The following SSPN variants were observed in gnomAD, a reference collection of about 807,000 sequenced individuals.
The protein encoded by SSPN is K-ras oncogene-associated protein.
SSPN carries 15 observed loss-of-function variants against 19.1 expected under a neutral mutation model. The ratio of observed to expected loss-of-function variants is 0.78; its 90% CI spans 0.52 to 1.21. The LOEUF is 1.21. Ranked by LOEUF, SSPN falls within the 50% of genes most tolerant of loss-of-function variation. The pLI, the probability that SSPN is intolerant of heterozygous loss-of-function variation, is 0.00. For missense variants in SSPN, 291 were observed against 314.0 expected (o/e 0.93, Z 0.55); for synonymous variants, 147 against 140.3 (o/e 1.05, Z -0.34).
intron 1 of SSPN, among the ~76,000 whole-genome samples, chr12:26,142,260 T>C (rs1345532534): frequency 1.3e-5 from 2 of 152,176 alleles, no homozygotes; most frequent in African/African-American, 4.8e-5. Flanking sequence ...CTGATGACAC[T>C]GTTGATAGTA....
intron 1 of SSPN, among the ~76,000 whole-genome samples, chr12:26,200,876 A>G (rs1591876779): frequency 6.6e-6 from 1 of 151,712 alleles, no homozygotes; most frequent in African/African-American, 2.4e-5. Context: ...AGATAATTAC[A>G]TGGCCCAACT....
At chr12:26,129,718 C>T (rs1295805370) in intron 1 of SSPN, among the ~76,000 whole-genome samples, 1 of 152,164 alleles carries the variant, frequency 6.6e-6, no homozygotes, top group Non-Finnish European at 1.5e-5. Flanking sequence ...CATAAACATA[C>T]CTATGAACCA....
intron 1 of SSPN, among the ~76,000 whole-genome samples, chr12:26,218,018 G>C (rs1394722314): frequency 6.6e-6 from 1 of 151,328 alleles, no homozygotes; most frequent in South Asian, 2.1e-4. Context: ...ACATGCACAC[G>C]TATGTTTATT....
At chr12:26,130,494 A>C (rs1944391417) in intron 1 of SSPN, among the ~76,000 whole-genome samples, 3 of 152,238 alleles carry the variant, frequency 2.0e-5, no homozygotes, top group African/African-American at 7.2e-5. Context: ...ACTTACAATC[A>C]AAACTATTGG....
At chr12:26,224,248 C>T in intron 1 of SSPN, 45 bp from the exon 2 acceptor site, 1 of 1,403,476 alleles carries the variant, frequency 7.1e-7, no homozygotes, top group Non-Finnish European at 1.0e-6. Context: ...TTTGAACGCA[C>T]AACGTACCCT....
chr12:26,207,294 CATA>C (rs762841031), intron 1 of SSPN, among the ~76,000 whole-genome samples: 7 of 152,082 alleles, frequency 4.6e-5, no homozygotes, highest in South Asian at 2.1e-4. Context: ...ATTTCAATTG[CATA>C]ATAACATAGA....
At chr12:26,159,636 G>GT (rs1298621147) in intron 1 of SSPN, among the ~76,000 whole-genome samples, 1 of 152,208 alleles carries the variant, frequency 6.6e-6, no homozygotes, top group African/African-American at 2.4e-5. Flanking sequence ...CATGAGAATG[G>GT]TTATGTTTTC....
intron 2 of SSPN, among the ~76,000 whole-genome samples, chr12:26,227,915 T>A (rs894201696): frequency 3.3e-5 from 5 of 152,218 alleles, no homozygotes; most frequent in African/African-American, 1.2e-4. Context: ...CTTGGGCACA[T>A]CTTTTAATCT....
intron 1 of SSPN, among the ~76,000 whole-genome samples, chr12:26,168,975 C>T (rs1403744726): frequency 6.7e-6 from 1 of 148,332 alleles, no homozygotes; most frequent in Admixed American, 6.7e-5. Context: ...AGGGTAAAGA[C>T]ATAATGGTAG....
At chr12:26,130,716 A>G (rs556657589) in intron 1 of SSPN, among the ~76,000 whole-genome samples, 3 of 152,190 alleles carry the variant, frequency 2.0e-5, no homozygotes, top group Non-Finnish European at 2.9e-5. Flanking sequence ...AGAAGTCTGA[A>G]GGTAAGCAGT....
In SSPN at chr12:26,195,907, T is replaced by G; in HGVS notation, c.235T>G (p.Ser79Ala). 6.3e-7 allele frequency: 1 copy of G among 1,576,232 alleles called. No individual in the cohort carries two copies. Among genetic ancestry groups the G allele is most frequent in the Non-Finnish European group, 8.6e-7 (1 of 1,163,980 alleles). The change falls in exon 1 of 3, where the codon TCC becomes GCC. Residue 79 changes from serine to alanine, a missense_variant. Coordinates refer to ENST00000242729, the MANE Select transcript of SSPN (RefSeq NM_005086.5). ...VVGFLMASIS[S>A]SLLVRDTPFW... ...GGGCTTCCTCATGGCGAGCATCAGC[T>G]CCTCCCTGCTAGTCAGGGACACTCC...
intron 1 of SSPN, among the ~76,000 whole-genome samples, chr12:26,139,977 C>G (rs1193822249): frequency 6.6e-6 from 1 of 152,166 alleles, no homozygotes; most frequent in East Asian, 1.9e-4. Context: ...GCCCTCCTCT[C>G]TTGTCTCCTT....
Position 26,122,233 on chromosome 12 carries a change from C to T in SSPN, c.-31+81C>T, listed in dbSNP as rs76117681. 7.8e-3 allele frequency: 10,077 copies of T among 1,285,214 alleles called. 650 individuals are homozygous for T. In the African/African-American group the frequency reaches 0.14, roughly 18 times the overall value. 79.6% of individuals were successfully genotyped at this position (1,285,214 alleles called of 1,614,324 possible). ...TGCGGCAGGAGGGTCGCGGCGGCGG[C>T]GCCCGCCTTCTCGGGAGGGGGCGAC... On this transcript the variant is annotated intron_variant, in intron 1 of 2. Transcript: ENST00000538142.
intron 1 of SSPN, among the ~76,000 whole-genome samples, chr12:26,186,663 C>G (rs1944756192): frequency 6.6e-6 from 1 of 152,198 alleles, no homozygotes; most frequent in African/African-American, 2.4e-5. Flanking sequence ...ATAGGCTGCG[C>G]TGAGTGAGAT....
At chr12:26,155,897 G>A (rs576571261) in intron 1 of SSPN, among the ~76,000 whole-genome samples, 1 of 152,272 alleles carries the variant, frequency 6.6e-6, no homozygotes, top group Admixed American at 6.5e-5. Context: ...GCAGGTAGAG[G>A]ATCTGAGTTC....
intron 1 of SSPN, among the ~76,000 whole-genome samples, chr12:26,215,404 T>G (rs1945036777): frequency 6.6e-6 from 1 of 152,148 alleles, no homozygotes; most frequent in African/African-American, 2.4e-5. Flanking sequence ...CACTTGTTAA[T>G]GAGATACTTC....
At chr12:26,209,750 C>T (rs1336626664) in intron 1 of SSPN, among the ~76,000 whole-genome samples, 2 of 151,526 alleles carry the variant, frequency 1.3e-5, no homozygotes, top group Non-Finnish European at 2.9e-5. Context: ...AGGCTCTGCT[C>T]ATTACTTCCA....
At position 26,201,032 on chromosome 12, in the gene SSPN, T is replaced by TATA. The variant is rs1555179561; in HGVS notation, c.279+5082_279+5084dup. ...TTGTGTATATATATATATATATATA[T>TATA]ATATATATATATATTATATATATAT... On this transcript the variant is annotated intron_variant, in intron 1 of 2. Transcript: ENST00000242729. Among the ~76,000 whole-genome samples, 9 of 38,210 alleles carry TATA rather than the reference T, an allele frequency of 2.4e-4. No individual in the cohort carries two copies. In the East Asian group the frequency reaches 0.02, roughly 83 times the overall value. 25.1% of individuals were successfully genotyped at this position (38,210 alleles called of 152,430 possible). A position where few individuals can be genotyped will look rare whatever the true frequency, so the allele number is the denominator to read the frequency against.
intron 1 of SSPN, chr12:26,122,525 G>A (rs1356414573): frequency 1.6e-6 from 2 of 1,281,946 alleles, no homozygotes; most frequent in Non-Finnish European, 2.0e-6. Context: ...CTCCGCCTCC[G>A]CCGAACGCCA....
Sources: gnomAD v4.1 joint callset for allele counts (sites outside exome capture counted in the v4.1 genomes callset) on GRCh38, gnomAD v4.1.1 for gene constraint, MANE v1.5 for transcripts, NCBI Gene and HGNC (gene_info 2026-07-23, HGNC 2026-07-21) for gene names.